Variants in NLGN4Y observed in about 807,000 individuals in gnomAD.
NLGN4Y encodes neuroligin 4 Y-linked, also known as neuroligin-4, Y-linked.
Under a neutral mutation model 8.4 loss-of-function variants are expected in NLGN4Y, and 4 were observed. That is an observed-to-expected ratio of 0.48 (90% CI 0.23 to 1.09). The LOEUF (loss-of-function observed/expected upper bound fraction) is 1.09, where lower values mean the gene tolerates loss of function less well. NLGN4Y is among the 50% of genes least tolerant of loss of function. The probability of loss-of-function intolerance (pLI) is 0.19; values close to 1 mark genes in which losing one functional copy is unlikely to be tolerated. For missense variants in NLGN4Y, 90 were observed against 192.3 expected, an observed-to-expected ratio of 0.47 and a Z score of 3.15; for synonymous variants, 35 against 75.6, an observed-to-expected ratio of 0.46 and a Z score of 2.78.
chrY:14,702,620 G>A (rs1603502889), intron 2 of NLGN4Y, among the ~76,000 whole-genome samples: 1 of 32,947 alleles, frequency 3.0e-5, no homozygotes, highest in Admixed American at 2.8e-4. Context: ...CGCAATAAAC[G>A]TACGTGTGCA....
intron 2 of NLGN4Y, among the ~76,000 whole-genome samples, chrY:14,698,868 A>G: frequency 6.1e-5 from 2 of 33,049 alleles, no homozygotes; most frequent in Admixed American, 5.6e-4. Flanking sequence ...CGGCATATCC[A>G]TCATCTCAAA....
chrY:14,593,610 C>T (rs2080382300), intron 1 of NLGN4Y, among the ~76,000 whole-genome samples: 4 of 33,498 alleles, frequency 1.2e-4, no homozygotes, highest in African/African-American at 4.7e-4. Flanking sequence ...GCTTCATCTC[C>T]TGGAGGGGGT....
chrY:14,618,279 G>T, intron 1 of NLGN4Y, among the ~76,000 whole-genome samples: 1 of 32,330 alleles, frequency 3.1e-5, no homozygotes, highest in Non-Finnish European at 7.6e-5. Flanking sequence ...TAGTATCTGG[G>T]CTATGTCACA....
At chrY:14,596,388 G>A in intron 1 of NLGN4Y, among the ~76,000 whole-genome samples, 1 of 33,611 alleles carries the variant, frequency 3.0e-5, no homozygotes, top group Non-Finnish European at 7.3e-5. Context: ...TTTTAGAAGC[G>A]GGTCTAGACT....
At chrY:14,625,843 G>A in intron 2 of NLGN4Y, among the ~76,000 whole-genome samples, 1 of 33,361 alleles carries the variant, frequency 3.0e-5, no homozygotes, top group African/African-American at 1.2e-4. Context: ...TTGAAGTGAG[G>A]TTAAAAAGTA....
intron 4 of NLGN4Y, among the ~76,000 whole-genome samples, chrY:14,760,595 C>T (rs2150570173): frequency 5.9e-5 from 2 of 33,729 alleles, no homozygotes; most frequent in East Asian, 7.7e-4. Context: ...AATCTCAAAG[C>T]GTGACACTTT....
intron 2 of NLGN4Y, among the ~76,000 whole-genome samples, chrY:14,655,472 A>G: frequency 6.3e-5 from 2 of 31,941 alleles, no homozygotes; most frequent in African/African-American, 1.2e-4. Flanking sequence ...CCATTTTGGG[A>G]AAGTGTCTCT....
intron 2 of NLGN4Y, among the ~76,000 whole-genome samples, chrY:14,644,633 C>T (rs753759838): frequency 3.0e-5 from 1 of 32,938 alleles, no homozygotes; most frequent in South Asian, 6.9e-4. Flanking sequence ...GAAGCTCAAC[C>T]GGGACAAGTG....
At chrY:14,754,930 T>C in intron 4 of NLGN4Y, among the ~76,000 whole-genome samples, 1 of 33,367 alleles carries the variant, frequency 3.0e-5, no homozygotes, top group Non-Finnish European at 7.4e-5. Flanking sequence ...AAGTATATAT[T>C]TTGCAATGGT....
intron 4 of NLGN4Y, among the ~76,000 whole-genome samples, chrY:14,733,994 A>T (rs2080983575): frequency 3.0e-5 from 1 of 32,934 alleles, no homozygotes; most frequent in Non-Finnish European, 7.4e-5. Flanking sequence ...ACAGCCTTTT[A>T]CACCCACACT....
chrY:14,606,312 T>A, intron 1 of NLGN4Y, among the ~76,000 whole-genome samples: 1 of 33,380 alleles, frequency 3.0e-5, no homozygotes, highest in South Asian at 6.8e-4. Context: ...ACAGCAGACA[T>A]CTCAGTGGGC....
At chrY:14,611,594 T>TA (rs2080469735) in intron 1 of NLGN4Y, among the ~76,000 whole-genome samples, 1 of 29,291 alleles carries the variant, frequency 3.4e-5, no homozygotes, top group Non-Finnish European at 8.0e-5. Flanking sequence ...TTTATTTATT[T>TA]TAAGAATGGT....
At chrY:14,639,121 G>A (rs73621794) in intron 2 of NLGN4Y, 9,775 of 87,640 alleles carry the variant, frequency 0.11, no homozygotes, top group African/African-American at 0.63. Flanking sequence ...AAAACACTTC[G>A]AAATCATTGG....
At chrY:14,626,493 G>A (rs2080528241) in intron 2 of NLGN4Y, among the ~76,000 whole-genome samples, 1 of 33,658 alleles carries the variant, frequency 3.0e-5, no homozygotes. Flanking sequence ...CGCTGACCTC[G>A]GGAGTGAAGC....
At chrY:14,759,624 T>A (rs2081074851) in intron 4 of NLGN4Y, among the ~76,000 whole-genome samples, 1 of 34,408 alleles carries the variant, frequency 2.9e-5, no homozygotes, top group Non-Finnish European at 7.3e-5. Context: ...ATATTAACAT[T>A]TTTCTCTGAA....
chrY:14,644,843 T>C lies in NLGN4Y; in HGVS notation c.472+22252T>C, dbSNP rs928706991. On this transcript the variant is annotated intron_variant, in intron 2 of 6. Transcript: ENST00000684976. ...AAAGTTGAGTTGTTGCAAGAGACCA[T>C]GTGGCCTGCAAAGTCTACAATACAT... Among the ~76,000 whole-genome samples the C allele has an allele frequency of 1.8e-4, 6 of 33,694 alleles. No homozygotes were observed. The East Asian group carries it at 4.8e-3, about 27-fold the overall frequency. 90.4% of individuals were successfully genotyped at this position (33,694 alleles called of 37,273 possible).
chrY:14,740,966 C>T (rs2081004609), intron 4 of NLGN4Y, among the ~76,000 whole-genome samples: 2 of 32,345 alleles, frequency 6.2e-5, no homozygotes, highest in Non-Finnish European at 1.5e-4. Context: ...TGCAGTGGCG[C>T]GATCTCAGCT....
chrY:14,615,906 CTTT>C (rs2080486927), intron 1 of NLGN4Y, among the ~76,000 whole-genome samples: 1 of 33,576 alleles, frequency 3.0e-5, no homozygotes, highest in Non-Finnish European at 7.4e-5. Context: ...CTAAAATTCT[CTTT>C]TTTGTTGTTG....
chrY:14,606,489 C>T, intron 1 of NLGN4Y, among the ~76,000 whole-genome samples: 1 of 33,500 alleles, frequency 3.0e-5, no homozygotes, highest in Non-Finnish European at 7.4e-5. Flanking sequence ...CATGATAAGA[C>T]CCAAATACCA....
Sources: allele counts gnomAD v4.1 joint callset (sites outside exome capture counted in the v4.1 genomes callset), GRCh38; gene constraint gnomAD v4.1.1; transcripts MANE v1.5; gene names NCBI Gene and HGNC (gene_info 2026-07-23, HGNC 2026-07-21).